The following RAPGEF6 variants were observed in gnomAD, a reference collection of about 807,000 sequenced individuals.
RAPGEF6 encodes the protein Rap guanine nucleotide exchange factor 6, also known as PDZ domain containing guanine nucleotide exchange factor (GEF) 2.
A neutral mutation model predicts 171.4 loss-of-function variants in RAPGEF6; 56 were observed. The ratio of observed to expected loss-of-function variants is 0.33; its 90% CI spans 0.26 to 0.41. RAPGEF6 has a LOEUF of 0.41. RAPGEF6 is among the 10% of genes least tolerant of loss of function. The probability of loss-of-function intolerance (pLI) is 1.00; values close to 1 mark genes in which losing one functional copy is unlikely to be tolerated. For missense variants in RAPGEF6, 1,674 were observed against 1,921.4 expected (o/e 0.87, Z 2.41); for synonymous variants, 692 against 650.1 (o/e 1.06, Z -0.98).
intron 16 of RAPGEF6, among the ~76,000 whole-genome samples, chr5:131,474,201 ACCC>A (rs899838442): frequency 3.9e-5 from 6 of 152,186 alleles, no homozygotes; most frequent in Non-Finnish European, 7.3e-5. Context: ...ACATTGGCTC[ACCC>A]CTGCAATCCC....
intron 17 of RAPGEF6, among the ~76,000 whole-genome samples, chr5:131,471,750 A>T (rs1754754136): frequency 6.6e-6 from 1 of 152,220 alleles, no homozygotes; most frequent in African/African-American, 2.4e-5. Context: ...GCAAAAAAAA[A>T]ATAACTTGAC....
At chr5:131,509,253 A>G (rs171523) in intron 8 of RAPGEF6, among the ~76,000 whole-genome samples, 96,646 of 152,044 alleles carry the variant, frequency 0.64, 32,552 homozygotes, top group Non-Finnish European at 0.77. Context: ...ATGTTTTAAG[A>G]GTACACATGG....
At chr5:131,554,395 TA>T (rs1761105194) in intron 5 of RAPGEF6, among the ~76,000 whole-genome samples, 1 of 152,200 alleles carries the variant, frequency 6.6e-6, no homozygotes, top group Admixed American at 6.5e-5. Flanking sequence ...AATACGTGGT[TA>T]AATAGGAATA....
At chr5:131,509,371 A>G (rs765129269) in intron 8 of RAPGEF6, among the ~76,000 whole-genome samples, 24 of 152,132 alleles carry the variant, frequency 1.6e-4, no homozygotes, top group Non-Finnish European at 2.6e-4. Context: ...TTGAAACCCC[A>G]TTGCTACTAA....
chr5:131,569,421 G>A (rs761815683), intron 4 of RAPGEF6, among the ~76,000 whole-genome samples: 1 of 152,114 alleles, frequency 6.6e-6, no homozygotes, highest in Non-Finnish European at 1.5e-5. Context: ...CATATTTATG[G>A]TTAACTGATT....
intron 4 of RAPGEF6, among the ~76,000 whole-genome samples, chr5:131,573,835 G>A (rs1762448626): frequency 6.6e-6 from 1 of 152,248 alleles, no homozygotes; most frequent in East Asian, 1.9e-4. Context: ...TAGACCCAGA[G>A]GGGCCAGAAG....
At chr5:131,540,317 C>T (rs1177603764) in intron 6 of RAPGEF6, among the ~76,000 whole-genome samples, 1 of 152,134 alleles carries the variant, frequency 6.6e-6, no homozygotes, top group Admixed American at 6.5e-5. Flanking sequence ...TCTATGATCC[C>T]AGTGTTTTGG....
At chr5:131,470,751 G>C (rs1431447423) in intron 17 of RAPGEF6, among the ~76,000 whole-genome samples, 2 of 152,312 alleles carry the variant, frequency 1.3e-5, no homozygotes, top group Admixed American at 1.3e-4. Context: ...GTGGCAGAGG[G>C]AGGTGGGTTT....
chr5:131,450,496 T>G (rs1752995612), intron 21 of RAPGEF6, among the ~76,000 whole-genome samples: 1 of 152,124 alleles, frequency 6.6e-6, no homozygotes, highest in Non-Finnish European at 1.5e-5. Flanking sequence ...AACATAAAAT[T>G]TCATTTTTAA....
In RAPGEF6 at chr5:131,453,090, G is replaced by C. The variant is rs752764587; in HGVS notation, c.3164C>G (p.Ser1055Cys). ...KEIRQVVRMT[S>C]ANMDPAMMFR... ...CATCATAGCTGGGTCCATGTTAGCA[G>C]AAGTCATTCGAACAACTTGGCGGAT... Residue 1055 changes from serine to cysteine, a missense_variant, in exon 21 of 28, where the codon TCT becomes TGT. Physicochemically the swap from Ser to Cys is moderately radical, Grantham distance 112 (BLOSUM62 -1). This residue lies in a region of RAPGEF6 where 1,116 missense variants were observed against 1,321.5 expected (regional missense o/e 0.84). Coordinates refer to ENST00000509018, the MANE Select transcript of RAPGEF6 (RefSeq NM_016340.6). 1 of 1,614,014 alleles carries C rather than the reference G, an allele frequency of 6.2e-7. No individual in the cohort carries two copies. Among genetic ancestry groups the C allele is most frequent in the South Asian group, 1.1e-5 (1 of 91,054 alleles).
chr5:131,512,377 T>C (rs72787071), intron 7 of RAPGEF6, among the ~76,000 whole-genome samples: 10 of 42,286 alleles, frequency 2.4e-4, no homozygotes, highest in South Asian at 1.3e-3. Context: ...TTTTCTTCTT[T>C]TTTTTTTTTT....
In RAPGEF6 at chr5:131,583,487, T is replaced by C. The variant is rs74887045; in HGVS notation, c.281+8896A>G. ...TGTAACTGACTTGGACATAGCATTC[T>C]TAACTTAAACATTCCTTTCTGCTGA... On this transcript the variant is annotated intron_variant, in intron 4 of 27. Transcript: ENST00000509018. 5.3e-3 allele frequency among the ~76,000 whole-genome samples: 807 copies of C among 152,324 alleles called. 6 individuals are homozygous for C. The highest frequency in any genetic ancestry group is 0.018 in the African/African-American group (732 of 41,564).
At chr5:131,590,889 A>C (rs1201382532) in intron 4 of RAPGEF6, among the ~76,000 whole-genome samples, 3 of 152,242 alleles carry the variant, frequency 2.0e-5, no homozygotes, top group Non-Finnish European at 2.9e-5. Flanking sequence ...AACCATAGGC[A>C]ATATCAATCC....
chr5:131,610,346 C>T (rs1450837714), intron 1 of RAPGEF6, among the ~76,000 whole-genome samples: 5 of 152,140 alleles, frequency 3.3e-5, no homozygotes, highest in East Asian at 1.9e-4. Context: ...ACAGCTGCCA[C>T]CAGGGCACTT....
At chr5:131,482,496 T>G (rs538215700) in intron 15 of RAPGEF6, among the ~76,000 whole-genome samples, 2 of 152,274 alleles carry the variant, frequency 1.3e-5, no homozygotes, top group South Asian at 2.1e-4. Context: ...AGAGATGTGG[T>G]CTCACTATGT....
At chr5:131,624,392 T>C (rs1415952961) in intron 1 of RAPGEF6, among the ~76,000 whole-genome samples, 1 of 152,096 alleles carries the variant, frequency 6.6e-6, no homozygotes, top group East Asian at 1.9e-4. Context: ...GGATAGATAA[T>C]CAGATGACTA....
At chr5:131,458,706 T>G (rs1753696359) in intron 19 of RAPGEF6, among the ~76,000 whole-genome samples, 1 of 152,136 alleles carries the variant, frequency 6.6e-6, no homozygotes, top group Non-Finnish European at 1.5e-5. Flanking sequence ...CAGGCTGGAG[T>G]GCAGTGGCAT....
intron 6 of RAPGEF6, among the ~76,000 whole-genome samples, chr5:131,540,175 T>G (rs1437270715): frequency 1.3e-5 from 2 of 151,808 alleles, no homozygotes; most frequent in African/African-American, 4.8e-5. Flanking sequence ...GAACAAGAAA[T>G]AAAAAAAATT....
intron 1 of RAPGEF6, among the ~76,000 whole-genome samples, chr5:131,626,152 C>A (rs1449121586): frequency 6.6e-6 from 1 of 152,134 alleles, no homozygotes; most frequent in Non-Finnish European, 1.5e-5. Context: ...CATCATGTAC[C>A]ATCATCCCCA....
Sources: allele counts gnomAD v4.1 joint callset (sites outside exome capture counted in the v4.1 genomes callset), GRCh38; gene constraint gnomAD v4.1.1; regional missense constraint gnomAD v4.1.1; transcripts MANE v1.5; gene names NCBI Gene and HGNC (gene_info 2026-07-23, HGNC 2026-07-21).